Variants in IQCJ observed in about 807,000 individuals in gnomAD.
The protein encoded by IQCJ is IQ motif containing J.
IQCJ carries 9 observed loss-of-function variants against 11.0 expected under a neutral mutation model. The observed-to-expected ratio is 0.82, with a 90% CI of 0.49 to 1.43. The LOEUF is 1.43. Among genes scored for constraint, IQCJ ranks in the 40% most tolerant of loss-of-function variants. The probability of loss-of-function intolerance (pLI) is 0.00; values close to 1 mark genes in which losing one functional copy is unlikely to be tolerated. For missense variants in IQCJ, 146 were observed against 133.2 expected, an observed-to-expected ratio of 1.10 and a Z score of -0.47; for synonymous variants, 55 against 51.3, an observed-to-expected ratio of 1.07 and a Z score of -0.31.
intron 3 of IQCJ, among the ~76,000 whole-genome samples, chr3:159,256,619 C>T (rs1727915298): frequency 6.6e-6 from 1 of 152,192 alleles, no homozygotes; most frequent in South Asian, 2.1e-4. Flanking sequence ...AGTTGCACTC[C>T]TCTGTAAAAC....
intron 1 of IQCJ, among the ~76,000 whole-genome samples, chr3:159,072,147 A>G (rs1371180890): frequency 2.0e-5 from 3 of 152,114 alleles, no homozygotes; most frequent in East Asian, 1.9e-4. Flanking sequence ...TGGAGGCAAG[A>G]CACCTTCAAT....
At chr3:159,137,160 G>A (rs1160727999) in intron 1 of IQCJ, among the ~76,000 whole-genome samples, 1 of 151,976 alleles carries the variant, frequency 6.6e-6, no homozygotes, top group African/African-American at 2.4e-5. Context: ...TACTCGGGAG[G>A]CTGGGGCAGG....
At chr3:159,230,345 T>C (rs1726172963) in intron 1 of IQCJ, among the ~76,000 whole-genome samples, 1 of 152,228 alleles carries the variant, frequency 6.6e-6, no homozygotes, top group South Asian at 2.1e-4. Context: ...AGCATGGCAA[T>C]GAACATACAA....
chr3:159,085,395 T>C (rs1716660577), intron 1 of IQCJ, among the ~76,000 whole-genome samples: 1 of 152,194 alleles, frequency 6.6e-6, no homozygotes, highest in Non-Finnish European at 1.5e-5. Context: ...CATGTGTCTT[T>C]AAAGCAGCAT....
chr3:159,149,641 G>T (rs1577041859), intron 1 of IQCJ, among the ~76,000 whole-genome samples: 1 of 152,146 alleles, frequency 6.6e-6, no homozygotes, highest in East Asian at 1.9e-4. Flanking sequence ...AGCAGCTTTT[G>T]AAAATCTCAG....
At chr3:159,206,581 T>A (rs1458583928) in intron 1 of IQCJ, among the ~76,000 whole-genome samples, 2 of 152,238 alleles carry the variant, frequency 1.3e-5, no homozygotes, top group East Asian at 3.8e-4. Flanking sequence ...GGAATCAAGA[T>A]TGAAAGTGGA....
intron 1 of IQCJ, among the ~76,000 whole-genome samples, chr3:159,140,610 G>A (rs1720547484): frequency 6.6e-6 from 1 of 152,208 alleles, no homozygotes; most frequent in African/African-American, 2.4e-5. Context: ...GTGACACAGA[G>A]GCAGGATAAA....
chr3:159,252,429 C>T (rs1727656462), intron 2 of IQCJ, among the ~76,000 whole-genome samples: 1 of 152,138 alleles, frequency 6.6e-6, no homozygotes, highest in Admixed American at 6.5e-5. Context: ...TTTTTCTCCC[C>T]CTGAAATTGT....
At chr3:159,164,222 A>G (rs1009252350) in intron 1 of IQCJ, among the ~76,000 whole-genome samples, 1 of 152,160 alleles carries the variant, frequency 6.6e-6, no homozygotes, top group Non-Finnish European at 1.5e-5. Flanking sequence ...TGCCAGAGCT[A>G]TGATCACTCC....
At chr3:159,139,495 T>A (rs1024669993) in intron 1 of IQCJ, among the ~76,000 whole-genome samples, 8 of 152,294 alleles carry the variant, frequency 5.3e-5, no homozygotes, top group Non-Finnish European at 8.8e-5. Flanking sequence ...AGCGGTCCTC[T>A]CTCATGAGGT....
intron 1 of IQCJ, among the ~76,000 whole-genome samples, chr3:159,138,320 CCTT>C (rs1351371960): frequency 3.9e-5 from 6 of 152,252 alleles, no homozygotes; most frequent in African/African-American, 1.4e-4. Flanking sequence ...GGACACTTGA[CCTT>C]CTTCCTAAAC....
rs1215782306 is a variant in IQCJ at position 159,252,733 on chromosome 3, G to A, written c.81G>A (p.Gln27=). Residue 27 remains glutamine, a synonymous_variant, in exon 3 of 4, where the codon CAG becomes CAA. Transcript: ENST00000397832. The part of the protein sequence containing the change: ...NDGKYSFENH[Q]LAMDAENNIE... Reference sequence around the variant, plus strand: ...ACATTATTTCTGTTTCTAGTCACCAGCTGGCCATGGATGCAGAGAATAATA... The same window carrying A: ...ACATTATTTCTGTTTCTAGTCACCAACTGGCCATGGATGCAGAGAATAATA... The A allele has an allele frequency of 3.1e-6, 5 of 1,610,560 alleles. No homozygotes were observed. Among genetic ancestry groups the A allele is most frequent in the Non-Finnish European group, 4.2e-6 (5 of 1,178,262 alleles).
chr3:159,165,124 G>C (rs13101053), intron 1 of IQCJ, among the ~76,000 whole-genome samples: 20,167 of 152,230 alleles, frequency 0.13, 1,515 homozygotes, highest in Middle Eastern at 0.2. Flanking sequence ...AGGTGAAATG[G>C]ATGTAGGCCT....
Position 159,245,977 on chromosome 3 carries a change from G to T in IQCJ, c.74+70G>T. The stretch of plus-strand genomic sequence containing the variant: ...CTTGAGTAAAAAGAAAATCTTTCTG[G>T]TAAAAATAAGTAAGTAAATTGGACA... On this transcript the variant is annotated intron_variant, in intron 2 of 3. Coordinates refer to ENST00000397832, the MANE Select transcript of IQCJ (RefSeq NM_001042706.3). 6 of 1,167,844 alleles carry T rather than the reference G, an allele frequency of 5.1e-6. No homozygotes were observed. In the South Asian group the frequency reaches 8.6e-5, roughly 17 times the overall value. 72.3% of individuals were successfully genotyped at this position (1,167,844 alleles called of 1,614,324 possible).
intron 1 of IQCJ, among the ~76,000 whole-genome samples, chr3:159,157,408 T>C (rs1721584233): frequency 6.6e-6 from 1 of 152,180 alleles, no homozygotes; most frequent in South Asian, 2.1e-4. Context: ...ATGATTGTCT[T>C]TATCTTCTTA....
intron 1 of IQCJ, among the ~76,000 whole-genome samples, chr3:159,113,059 TATA>T (rs1718734964): frequency 6.6e-6 from 1 of 152,208 alleles, no homozygotes; most frequent in Non-Finnish European, 1.5e-5. Flanking sequence ...AATGTAATCT[TATA>T]ATAACTTTTT....
At chr3:159,199,594 A>G (rs1180757396) in intron 1 of IQCJ, among the ~76,000 whole-genome samples, 2 of 152,176 alleles carry the variant, frequency 1.3e-5, no homozygotes, top group African/African-American at 4.8e-5. Flanking sequence ...AGCGACAATC[A>G]TTGATGTGGC....
At chr3:159,164,266 T>C (rs1577053537) in intron 1 of IQCJ, among the ~76,000 whole-genome samples, 1 of 152,318 alleles carries the variant, frequency 6.6e-6, no homozygotes, top group African/African-American at 2.4e-5. Flanking sequence ...ACTCTCAGGT[T>C]ATACTTCCTG....
At chr3:159,237,489 C>G (rs61795163) in intron 1 of IQCJ, among the ~76,000 whole-genome samples, 14,796 of 152,096 alleles carry the variant, frequency 0.097, 921 homozygotes, top group Middle Eastern at 0.13. Context: ...TAGTTCACAC[C>G]CAAGTTACTT....
Sources: gnomAD v4.1 joint callset for allele counts (sites outside exome capture counted in the v4.1 genomes callset) on GRCh38, gnomAD v4.1.1 for gene constraint, MANE v1.5 for transcripts, NCBI Gene and HGNC (gene_info 2026-07-23, HGNC 2026-07-21) for gene names.